The following KHDRBS1 variants were observed in gnomAD, a reference collection of about 807,000 sequenced individuals.
KHDRBS1 encodes KH RNA binding domain containing, signal transduction associated 1.
Under a neutral mutation model 48.4 loss-of-function variants are expected in KHDRBS1, and 7 were observed. That is an observed-to-expected ratio of 0.14 (90% CI 0.08 to 0.27). KHDRBS1 has a LOEUF of 0.27. Ranked by LOEUF, KHDRBS1 falls within the 10% of genes least tolerant of loss-of-function variation. KHDRBS1 has a pLI of 1.00. For missense variants in KHDRBS1, 458 were observed against 601.2 expected (o/e 0.76, Z 2.49); for synonymous variants, 241 against 235.8 (o/e 1.02, Z -0.20).
chr1:32,053,052 C>T (rs1481348717), intron 10 of KHDRBS1, among the ~76,000 whole-genome samples: 1 of 152,140 alleles, frequency 6.6e-6, no homozygotes, highest in Non-Finnish European at 1.5e-5. Flanking sequence ...ACTTGAAAGG[C>T]TGAGTCAGGA....
intron 1 of KHDRBS1, among the ~76,000 whole-genome samples, chr1:32,014,796 C>T (rs1313708310): frequency 1.3e-5 from 2 of 152,166 alleles, no homozygotes; most frequent in Non-Finnish European, 2.9e-5. Context: ...GAGGTGAAGA[C>T]AGCCAGAGCG....
At chr1:32,053,016 G>T (rs1472231404) in intron 10 of KHDRBS1, among the ~76,000 whole-genome samples, 1 of 126,156 alleles carries the variant, frequency 7.9e-6, no homozygotes, top group Non-Finnish European at 2.0e-5. Flanking sequence ...AGCTAGATGT[G>T]GTGGTGCACG....
chr1:32,021,095 A>G (rs1309901659), intron 1 of KHDRBS1, among the ~76,000 whole-genome samples: 1 of 152,172 alleles, frequency 6.6e-6, no homozygotes, highest in Non-Finnish European at 1.5e-5. Flanking sequence ...TTAGAACTGC[A>G]TATAAATCTA....
Position 32,032,488 on chromosome 1 carries a change from C to T in KHDRBS1, c.625-700C>T, listed in dbSNP as rs200669417. On this transcript the variant is annotated intron_variant, in intron 3 of 8. Coordinates refer to ENST00000327300, the MANE Select transcript of KHDRBS1 (RefSeq NM_006559.3). ...ACCATATAAGCAGATAAGCAGAGCT[C>T]GTGGTGATTAACAGCTCTACCTGTG... 7.9e-5 allele frequency among the ~76,000 whole-genome samples: 12 copies of T among 152,254 alleles called. No homozygotes were observed. In the East Asian group the frequency reaches 1.9e-3, roughly 24 times the overall value.
intron 10 of KHDRBS1, among the ~76,000 whole-genome samples, chr1:32,056,878 G>T (rs1311886966): frequency 6.6e-6 from 1 of 152,152 alleles, no homozygotes; most frequent in African/African-American, 2.4e-5. Flanking sequence ...CCAGTGGCCG[G>T]TGAACAATAT....
chr1:32,049,450 C>T (rs7516447), intron 10 of KHDRBS1, among the ~76,000 whole-genome samples: 13,778 of 150,216 alleles, frequency 0.092, 717 homozygotes, highest in Non-Finnish European at 0.12. Flanking sequence ...CTGTTAAATG[C>T]GATTTCACTG....
chr1:32,058,590 A>G (rs547634981), intron 10 of KHDRBS1, among the ~76,000 whole-genome samples: 202 of 152,274 alleles, frequency 1.3e-3, no homozygotes, highest in Non-Finnish European at 2.4e-3. Context: ...CTTGCTGATG[A>G]GTGGAGAATG....
intron 2 of KHDRBS1, among the ~76,000 whole-genome samples, chr1:32,030,841 CTTT>C (rs777371667): frequency 7.1e-6 from 1 of 141,166 alleles, no homozygotes. Flanking sequence ...TTTTTTCTTC[CTTT>C]TTTTTTTTTT....
chr1:32,029,448 G>A (rs1221797659), intron 1 of KHDRBS1, among the ~76,000 whole-genome samples: 1 of 152,018 alleles, frequency 6.6e-6, no homozygotes, highest in African/African-American at 2.4e-5. Context: ...ACCTGAGGTC[G>A]GGAGTTCGAG....
intron 4 of KHDRBS1, among the ~76,000 whole-genome samples, chr1:32,035,875 G>A (rs1639167234): frequency 6.6e-6 from 1 of 152,164 alleles, no homozygotes; most frequent in African/African-American, 2.4e-5. Flanking sequence ...GAGAAAAGAG[G>A]AGTTGTAGGG....
rs1553223723 is a variant in KHDRBS1, at chr1:32,038,545, G to T, written c.1108-7G>T. 3 of 1,612,802 alleles carry T rather than the reference G, an allele frequency of 1.9e-6. No homozygotes were observed. The highest frequency in any genetic ancestry group is 1.7e-5 in the Admixed American group (1 of 59,970). On this transcript the variant is annotated splice_polypyrimidine_tract_variant and splice_region_variant and intron_variant, in intron 6 of 8. Coordinates refer to ENST00000327300, the MANE Select transcript of KHDRBS1 (RefSeq NM_006559.3). ...TTTATTTCATTTTTTTGTTGTTGTT[G>T]TTCTAGGGATATGATGATACATACG...
chr1:32,021,900 C>G (rs1025689301), intron 1 of KHDRBS1, among the ~76,000 whole-genome samples: 2 of 151,838 alleles, frequency 1.3e-5, no homozygotes, highest in African/African-American at 4.8e-5. Flanking sequence ...ATCTGCCTGC[C>G]TCAGCCTCCC....
intron 10 of KHDRBS1, among the ~76,000 whole-genome samples, chr1:32,059,989 G>T (rs1441697781): frequency 5.3e-5 from 8 of 152,168 alleles, no homozygotes; most frequent in Admixed American, 5.2e-4. Context: ...TTCATAGGCT[G>T]TGGACTTCTG....
intron 1 of KHDRBS1, among the ~76,000 whole-genome samples, chr1:32,016,197 A>G (rs186570469): frequency 1.3e-5 from 2 of 151,946 alleles, no homozygotes; most frequent in Non-Finnish European, 2.9e-5. Flanking sequence ...AAAAAAAAAA[A>G]AAAAAGAAAA....
In KHDRBS1 at chr1:32,042,899, G is replaced by A. The variant is rs189538837; in HGVS notation, c.*275G>A. The A allele has an allele frequency of 3.2e-4, 68 of 212,264 alleles. No individual in the cohort carries two copies. Among genetic ancestry groups the A allele is most frequent in the Admixed American group, 2.3e-3 (41 of 17,614 alleles). 13.1% of individuals were successfully genotyped at this position (212,264 alleles called of 1,614,324 possible). ...TTTCTTTGTTGTTTAAATATAAACA[G>A]AAGTGTACCTTTTATAATAAAAAAA... On this transcript the variant is annotated 3_prime_UTR_variant, in exon 9 of 9. Coordinates refer to ENST00000327300, the MANE Select transcript of KHDRBS1 (RefSeq NM_006559.3).
intron 6 of KHDRBS1, 97 bp downstream of exon 6, chr1:32,038,133 A>G: frequency 6.5e-7 from 1 of 1,536,534 alleles, no homozygotes; most frequent in South Asian, 1.2e-5. Flanking sequence ...GGTGTCATGG[A>G]CTGCCTGTAA....
rs900511459 is a variant in KHDRBS1 at position 32,042,557 on chromosome 1, C to T, written c.1265C>T (p.Ser422Leu). The change falls in exon 9 of 9, where the codon TCG becomes TTG. Residue 422 changes from serine to leucine, a missense_variant. Ser to Leu is a moderately radical substitution (Grantham distance 145). Coordinates refer to ENST00000327300, the MANE Select transcript of KHDRBS1 (RefSeq NM_006559.3). ...GACGACTGGAATGGGACCAGGCCGT[C>T]GCTGAAGGCCCCTCCTGCTAGGCCA... ...GQDDWNGTRP[S>L]LKAPPARPVK... 5 of 1,613,774 alleles carry T rather than the reference C, an allele frequency of 3.1e-6. No individual in the cohort carries two copies. Among genetic ancestry groups the T allele is most frequent in the African/African-American group, 1.3e-5 (1 of 75,024 alleles).
intron 10 of KHDRBS1, among the ~76,000 whole-genome samples, chr1:32,058,254 ATTTT>A (rs915681603): frequency 1.3e-5 from 2 of 151,932 alleles, no homozygotes; most frequent in African/African-American, 2.4e-5. Flanking sequence ...CACCCAGCTT[ATTTT>A]TTTATTTTTT....
At chr1:32,035,921 T>C (rs548953605) in intron 4 of KHDRBS1, among the ~76,000 whole-genome samples, 34 of 152,158 alleles carry the variant, frequency 2.2e-4, no homozygotes, top group Non-Finnish European at 3.5e-4. Context: ...GAGACACTTA[T>C]TTAGGCAAGT....
Sources: gnomAD v4.1 joint callset for allele counts (sites outside exome capture counted in the v4.1 genomes callset) on GRCh38, gnomAD v4.1.1 for gene constraint, MANE v1.5 for transcripts, NCBI Gene and HGNC (gene_info 2026-07-23, HGNC 2026-07-21) for gene names.